ILDR2: variants seen among roughly 807,000 people sequenced by gnomAD.
The protein encoded by ILDR2 is immunoglobulin like domain containing receptor 2.
Under a neutral mutation model 66.8 loss-of-function variants are expected in ILDR2, and 25 were observed. That is an observed-to-expected ratio of 0.37 (90% confidence interval 0.27 to 0.52). ILDR2 has a LOEUF of 0.52. Ranked by LOEUF, ILDR2 falls within the 20% of genes least tolerant of loss-of-function variation. The pLI is 0.88. For missense variants in ILDR2, 827 were observed against 876.8 expected (o/e 0.94, Z 0.72); for synonymous variants, 367 against 357.2 (o/e 1.03, Z -0.31).
At chr1:166,905,025 A>G (rs1659317267), downstream of ILDR2, among the ~76,000 whole-genome samples, 1 of 152,254 alleles carries the variant, frequency 6.6e-6, no homozygotes, top group Non-Finnish European at 1.5e-5. Context: ...AAATATTGTT[A>G]TAACCAGTTT....
chr1:166,943,052 C>T (rs1020555751), intron 3 of ILDR2, among the ~76,000 whole-genome samples: 5 of 152,136 alleles, frequency 3.3e-5, no homozygotes, highest in African/African-American at 7.2e-5. Context: ...CATAATGCAC[C>T]TGTGTAGTGT....
chr1:166,920,884 C>T lies in ILDR2; in HGVS notation c.1707G>A (p.Ser569=), dbSNP rs1286603222. 3 of 1,491,872 alleles carry T rather than the reference C, an allele frequency of 2.0e-6. No homozygotes were observed. The highest frequency in any genetic ancestry group is 1.8e-4 in the Middle Eastern group (1 of 5,540). The allele number at this position is 1,491,872 out of a possible 1,614,324, so 92.4% of individuals were successfully genotyped here. Residue 569 remains serine, a synonymous_variant, in exon 9 of 10, where the codon TCG becomes TCA. Transcript: ENST00000271417. ...AGCCGGCCTTGTAGGTGCCGGGCGGCGACCAAGCGTAGTAGGAGGCGCTGC... is the reference window on the plus strand; with the variant it reads ...AGCCGGCCTTGTAGGTGCCGGGCGGTGACCAAGCGTAGTAGGAGGCGCTGC... ...GPRSASYYAW[S]PPGTYKAGSS...
chr1:166,944,131 G>A lies in ILDR2; in HGVS notation c.500-4561C>T, dbSNP rs569453297. 4.6e-5 allele frequency among the ~76,000 whole-genome samples: 7 copies of A among 152,212 alleles called. No homozygotes were observed. In the South Asian group the frequency reaches 1.5e-3, roughly 32 times the overall value. ...CACACGCTTCGGATTAAATGATCAG[G>A]GTAGAAATATGCATTGTGAATAAAA... On this transcript the variant is annotated intron_variant, in intron 3 of 9. Coordinates refer to ENST00000271417, the MANE Select transcript of ILDR2 (RefSeq NM_199351.3).
chr1:166,954,109 C>T (rs1662138016), intron 3 of ILDR2, among the ~76,000 whole-genome samples: 1 of 152,168 alleles, frequency 6.6e-6, no homozygotes, highest in Admixed American at 6.5e-5. Context: ...TAGACCAAAT[C>T]CTCCAATCAT....
chr1:166,926,986 CAA>C, intron 7 of ILDR2, 79 bp downstream of exon 7: 1 of 949,614 alleles, frequency 1.1e-6, no homozygotes, highest in Non-Finnish European at 1.6e-6. Context: ...CAGGGCTGCC[CAA>C]GTTTGGTGAC....
At chr1:166,962,192 C>G (rs1662662701) in intron 1 of ILDR2, among the ~76,000 whole-genome samples, 1 of 152,212 alleles carries the variant, frequency 6.6e-6, no homozygotes, top group Non-Finnish European at 1.5e-5. Flanking sequence ...ATCGGGACCC[C>G]CATTCCCACT....
chr1:166,896,369 G>A (rs527961968), intron 2 of ILDR2, among the ~76,000 whole-genome samples: 17 of 152,260 alleles, frequency 1.1e-4, no homozygotes, highest in African/African-American at 4.1e-4. Flanking sequence ...GTGGACAGGA[G>A]TCAGCATGTG....
Position 166,958,060 on chromosome 1 carries a change from T to G in ILDR2, c.88A>C (p.Lys30Gln). 6.2e-7 allele frequency: 1 copy of G among 1,612,786 alleles called. No individual in the cohort carries two copies. Among genetic ancestry groups the G allele is most frequent in the East Asian group, 2.2e-5 (1 of 44,824 alleles). The change falls in exon 2 of 10, where the codon AAG (lysine) becomes CAG (glutamine). Residue 30 changes from lysine to glutamine, a missense_variant. This residue lies in a region of ILDR2 where 437 missense variants were observed against 523.2 expected (regional missense o/e 0.84). Coordinates refer to ENST00000271417, the MANE Select transcript of ILDR2 (RefSeq NM_199351.3). ...GLQVTVPDKK[K>Q]VAMLFQPTVL... ...GTGGGCTGGAAGAGCATGGCCACCT[T>G]CTTCTTGTCGGGCACTGTGACCTGA...
At chr1:166,965,172 A>G (rs1369203487) in intron 1 of ILDR2, among the ~76,000 whole-genome samples, 1 of 152,180 alleles carries the variant, frequency 6.6e-6, no homozygotes, top group African/African-American at 2.4e-5. Flanking sequence ...CAGTATAACA[A>G]TATAGTTTGA....
intron 1 of ILDR2, among the ~76,000 whole-genome samples, chr1:166,973,032 G>A (rs1040499522): frequency 2.0e-5 from 3 of 152,152 alleles, no homozygotes; most frequent in African/African-American, 7.2e-5. Context: ...GAGGCAGCTT[G>A]TCTGTCCACA....
At position 166,921,078 on chromosome 1, in the gene ILDR2, C is replaced by T. The variant is rs1208374951; in HGVS notation, c.1513G>A (p.Ala505Thr). 2 of 1,482,566 alleles carry T rather than the reference C, an allele frequency of 1.3e-6. No homozygotes were observed. The highest frequency in any genetic ancestry group is 1.3e-5 in the South Asian group (1 of 76,266). The allele number at this position is 1,482,566 out of a possible 1,614,324, so 91.8% of individuals were successfully genotyped here. ...AGCCGCGGCAGGTGCGCGTCCTCGG[C>T]GGGTCTGCGGCGCGCGGGGCTGAAG... is the stretch of plus-strand genomic sequence containing the variant. ...WAFSPARRRP[A>T]EDAHLPRLVS... The change falls in exon 9 of 10, where the codon GCC becomes ACC. Residue 505 changes from alanine to threonine, a missense_variant. Coordinates refer to ENST00000271417, the MANE Select transcript of ILDR2 (RefSeq NM_199351.3). This position sits in a 1 kb window ranked among gnomAD's most constrained non-coding sequence, Gnocchi z 5.3.
chr1:166,955,203 C>A (rs1662203963), intron 3 of ILDR2, among the ~76,000 whole-genome samples: 1 of 152,134 alleles, frequency 6.6e-6, no homozygotes, highest in East Asian at 1.9e-4. Flanking sequence ...TATTTCCATT[C>A]TTTTACAAGT....
rs1659427105 is a variant in ILDR2 at position 166,909,756 on chromosome 1, T to TAA, written c.*9598_*9599insTT. 3 of 74,604 alleles carry TAA rather than the reference T, an allele frequency of 4.0e-5. No homozygotes were observed. The highest frequency in any genetic ancestry group is 5.4e-4 in the East Asian group (1 of 1,844). The allele number at this position is 74,604 out of a possible 1,614,324, so 4.6% of individuals were successfully genotyped here. A position where few individuals can be genotyped will look rare whatever the true frequency, so the allele number is the denominator to read the frequency against. The stretch of plus-strand genomic sequence containing the variant: ...ACATACATATATATATATATATATA[T>TAA]ATAAATATATATAAATATATATATT... On this transcript the variant is annotated 3_prime_UTR_variant, in exon 10 of 10. Transcript: ENST00000271417.
intron 3 of ILDR2, among the ~76,000 whole-genome samples, chr1:166,944,401 C>T (rs1001281447): frequency 2.0e-5 from 3 of 152,190 alleles, no homozygotes; most frequent in Non-Finnish European, 4.4e-5. Context: ...GTCTAGCCCA[C>T]ACAGAACTCA....
intron 1 of ILDR2, among the ~76,000 whole-genome samples, chr1:166,960,641 A>G (rs1228012146): frequency 6.6e-6 from 1 of 152,166 alleles, no homozygotes; most frequent in Admixed American, 6.5e-5. Flanking sequence ...CTCACCTCCC[A>G]TCCTGAATCT....
intron 9 of ILDR2, among the ~76,000 whole-genome samples, chr1:166,919,974 C>A (rs1012757975): frequency 6.6e-6 from 1 of 152,094 alleles, no homozygotes; most frequent in Non-Finnish European, 1.5e-5. Context: ...TACCCCACAG[C>A]GGACATTTGT....
downstream of ILDR2, among the ~76,000 whole-genome samples, chr1:166,904,624 T>A (rs72705595): frequency 8.0e-3 from 1,225 of 152,348 alleles, 9 homozygotes; most frequent in Admixed American, 0.012. Context: ...GTCATTCCCC[T>A]CTTTGTGGTC....
Position 166,921,486 on chromosome 1 carries a change from G to C in ILDR2, c.1212-107C>G, listed in dbSNP as rs1032999574. 8.7e-6 allele frequency: 8 copies of C among 919,426 alleles called. No homozygotes were observed. The Admixed American group carries it at 1.4e-4, about 17-fold the overall frequency. 57.0% of individuals were successfully genotyped at this position (919,426 alleles called of 1,614,324 possible). A position where few individuals can be genotyped will look rare whatever the true frequency, so the allele number is the denominator to read the frequency against. ...CCTGGGGCCACGCTCAGGAGACCTC[G>C]GCCTGAGCCTCAGCTCCGCTCCAGG... On this transcript the variant is annotated intron_variant, in intron 8 of 9. Coordinates refer to ENST00000271417, the MANE Select transcript of ILDR2 (RefSeq NM_199351.3). This position sits in a 1 kb window ranked among gnomAD's most constrained non-coding sequence, Gnocchi z 5.3.
At chr1:166,926,514 G>A (rs1044214945) in intron 7 of ILDR2, among the ~76,000 whole-genome samples, 8 of 151,906 alleles carry the variant, frequency 5.3e-5, no homozygotes, top group African/African-American at 1.9e-4. Flanking sequence ...TGCCAGACTT[G>A]TTCTTTCACT....
Sources: allele counts gnomAD v4.1 joint callset (sites outside exome capture counted in the v4.1 genomes callset), GRCh38; gene constraint gnomAD v4.1.1; regional missense constraint gnomAD v4.1.1; non-coding constraint Gnocchi (gnomAD v3.1); transcripts MANE v1.5; gene names NCBI Gene and HGNC (gene_info 2026-07-23, HGNC 2026-07-21).